Variants in GULP1 observed in about 807,000 individuals in gnomAD.
The protein encoded by GULP1 is PTB domain-containing engulfment adapter protein 1.
In GULP1, 19 loss-of-function variants were observed where a neutral mutation model predicts 40.9. The ratio of observed to expected loss-of-function variants is 0.46; its 90% confidence interval spans 0.32 to 0.68. The LOEUF is 0.68. GULP1 is among the 30% of genes least tolerant of loss of function. The pLI, the probability that GULP1 is intolerant of heterozygous loss-of-function variation, is 0.03. For synonymous variants in GULP1, 119 were observed against 117.6 expected (o/e 1.01, Z -0.08); for missense variants, 312 against 362.2 (o/e 0.86, Z 1.12).
intron 1 of GULP1, among the ~76,000 whole-genome samples, chr2:188,348,629 G>A (rs1158936660): frequency 6.6e-6 from 1 of 152,154 alleles, no homozygotes; most frequent in East Asian, 1.9e-4. Context: ...ATACTGAAAG[G>A]TGAAAATGAA....
At chr2:188,442,444 G>C (rs1229502614) in intron 2 of GULP1, among the ~76,000 whole-genome samples, 3 of 152,144 alleles carry the variant, frequency 2.0e-5, no homozygotes. Context: ...AATTTGCTCT[G>C]TGAATAAAAA....
At chr2:188,593,876 T>C in intron 11 of GULP1, 64 bp from the exon 12 acceptor site, 1 of 898,626 alleles carries the variant, frequency 1.1e-6, no homozygotes, top group Non-Finnish European at 1.8e-6. Context: ...ATAGTCTTTT[T>C]TATTCACTGA....
chr2:188,400,464 G>A (rs2052066303), intron 2 of GULP1, among the ~76,000 whole-genome samples: 1 of 152,118 alleles, frequency 6.6e-6, no homozygotes, highest in African/African-American at 2.4e-5. Context: ...TCCTAGCAGG[G>A]TCTGGGTAAG....
At chr2:188,352,608 T>TCC (rs773746742) in intron 1 of GULP1, among the ~76,000 whole-genome samples, 42 of 43,434 alleles carry the variant, frequency 9.7e-4, no homozygotes, top group Non-Finnish European at 1.4e-3. Flanking sequence ...TCTTTCTCTC[T>TCC]CTCTCTCTCT....
intron 1 of GULP1, among the ~76,000 whole-genome samples, chr2:188,380,608 T>C (rs2048894167): frequency 6.6e-6 from 1 of 152,192 alleles, no homozygotes; most frequent in South Asian, 2.1e-4. Context: ...ATTTTGAATT[T>C]AGGAGCTTAT....
At chr2:188,301,462 G>C (rs1397490555) in intron 1 of GULP1, among the ~76,000 whole-genome samples, 1 of 152,120 alleles carries the variant, frequency 6.6e-6, no homozygotes, top group Non-Finnish European at 1.5e-5. Context: ...CACCTTCCTT[G>C]TACTGTGGCA....
At chr2:188,385,922 A>G (rs947401490) in intron 2 of GULP1, among the ~76,000 whole-genome samples, 2 of 152,186 alleles carry the variant, frequency 1.3e-5, no homozygotes, top group Admixed American at 6.5e-5. Flanking sequence ...ACAAGTCTTT[A>G]GGGAGTTCCA....
At chr2:188,338,870 T>C (rs1003633376) in intron 1 of GULP1, among the ~76,000 whole-genome samples, 11 of 152,218 alleles carry the variant, frequency 7.2e-5, no homozygotes, top group African/African-American at 2.7e-4. Flanking sequence ...CCTCTTTGGC[T>C]ACCCTTCCAC....
intron 4 of GULP1, among the ~76,000 whole-genome samples, chr2:188,521,741 G>A (rs567142173): frequency 1.1e-3 from 174 of 152,300 alleles, no homozygotes; most frequent in South Asian, 1.7e-3. Context: ...TGAGGACACA[G>A]TCAAACCATA....
intron 1 of GULP1, among the ~76,000 whole-genome samples, chr2:188,296,207 G>A (rs2034894990): frequency 6.6e-6 from 1 of 151,916 alleles, no homozygotes; most frequent in African/African-American, 2.4e-5. Flanking sequence ...TACTCAGATT[G>A]GAAGAGGAAA....
intron 1 of GULP1, among the ~76,000 whole-genome samples, chr2:188,343,003 A>G (rs1262578637): frequency 2.0e-5 from 3 of 152,230 alleles, no homozygotes; most frequent in Non-Finnish European, 4.4e-5. Context: ...GAGATAATGA[A>G]TTCAAAAGAT....
intron 2 of GULP1, among the ~76,000 whole-genome samples, chr2:188,394,489 C>G (rs2152565486): frequency 6.6e-6 from 1 of 152,038 alleles, no homozygotes; most frequent in Admixed American, 6.5e-5. Flanking sequence ...CCTTGAGTAG[C>G]TTAATTATCA....
chr2:188,336,716 A>G (rs1302420177), intron 1 of GULP1, among the ~76,000 whole-genome samples: 1 of 152,174 alleles, frequency 6.6e-6, no homozygotes, highest in Non-Finnish European at 1.5e-5. Flanking sequence ...ATATGTGGGC[A>G]TGTAGATTTG....
At chr2:188,303,962 C>T (rs2036594045) in intron 1 of GULP1, among the ~76,000 whole-genome samples, 1 of 152,124 alleles carries the variant, frequency 6.6e-6, no homozygotes, top group Admixed American at 6.5e-5. Context: ...AGAGATTGTC[C>T]TGGGGCCCCC....
At chr2:188,355,837 G>A (rs2045229110) in intron 1 of GULP1, among the ~76,000 whole-genome samples, 1 of 151,896 alleles carries the variant, frequency 6.6e-6, no homozygotes, top group South Asian at 2.1e-4. Context: ...GATTGTATAT[G>A]ATTATCAAGT....
chr2:188,454,442 G>A (rs2059092099), intron 2 of GULP1, among the ~76,000 whole-genome samples: 1 of 152,176 alleles, frequency 6.6e-6, no homozygotes, highest in Non-Finnish European at 1.5e-5. Flanking sequence ...ATAGGTATAT[G>A]TAAAATAGGT....
intron 1 of GULP1, among the ~76,000 whole-genome samples, chr2:188,341,613 T>C (rs1295416321): frequency 6.6e-6 from 1 of 152,176 alleles, no homozygotes; most frequent in Non-Finnish European, 1.5e-5. Flanking sequence ...TTATATCTGC[T>C]ATAAAGGATC....
chr2:188,393,731 A>C (rs543331048), intron 2 of GULP1, among the ~76,000 whole-genome samples: 1 of 152,274 alleles, frequency 6.6e-6, no homozygotes, highest in East Asian at 1.9e-4. Flanking sequence ...TTTAAGATTT[A>C]GAAACCCTTT....
At chr2:188,334,879 A>G (rs969351581) in intron 1 of GULP1, among the ~76,000 whole-genome samples, 4 of 152,238 alleles carry the variant, frequency 2.6e-5, no homozygotes, top group Non-Finnish European at 5.9e-5. Flanking sequence ...GGAATCTGCT[A>G]CAAGTTGTGA....
Sources: gnomAD v4.1 joint callset for allele counts (sites outside exome capture counted in the v4.1 genomes callset) on GRCh38, gnomAD v4.1.1 for gene constraint, MANE v1.5 for transcripts, NCBI Gene and HGNC (gene_info 2026-07-23, HGNC 2026-07-21) for gene names.